The following TBC1D23 variants were observed in gnomAD, a reference collection of about 807,000 sequenced individuals.
TBC1D23 encodes TBC1 domain family member 23.
Under a neutral mutation model 91.4 loss-of-function variants are expected in TBC1D23, and 55 were observed. The ratio of observed to expected loss-of-function variants is 0.60; its 90% CI spans 0.48 to 0.75. The LOEUF (loss-of-function observed/expected upper bound fraction) is 0.75. TBC1D23 is among the 30% of genes least tolerant of loss of function. The pLI is 0.00. For missense variants in TBC1D23, 725 were observed against 836.1 expected (o/e 0.87, Z 1.64); for synonymous variants, 289 against 281.0 (o/e 1.03, Z -0.28).
At chr3:100,295,387 C>A in intron 7 of TBC1D23, 39 bp downstream of exon 7, 1 of 1,528,460 alleles carries the variant, frequency 6.5e-7, no homozygotes, top group South Asian at 1.2e-5. Context: ...TTTCAGGTCT[C>A]TTTATCTGTG....
At position 100,290,666 on chromosome 3, in the gene TBC1D23, A is replaced by C. The variant is rs754925457; in HGVS notation, c.565A>C (p.Lys189Gln). 3.1e-6 allele frequency: 5 copies of C among 1,613,244 alleles called. No homozygotes were observed. The highest frequency in any genetic ancestry group is 1.3e-5 in the African/African-American group (1 of 74,902). The change falls in exon 5 of 19, where the codon AAG becomes CAG. Residue 189 changes from lysine (K) to glutamine (Q), a missense_variant. Coordinates refer to ENST00000394144, the MANE Select transcript of TBC1D23 (RefSeq NM_001199198.3). ...TGAGCTTTGTTCTTATCTTGATACAAAGAAAATTACTCCAGACTCCTATGC... is the reference window on the plus strand; with the variant it reads ...TGAGCTTTGTTCTTATCTTGATACACAGAAAATTACTCCAGACTCCTATGC... ...EPELCSYLDT[K>Q]KITPDSYALN...
intron 12 of TBC1D23, among the ~76,000 whole-genome samples, chr3:100,305,365 A>G (rs945639985): frequency 1.3e-5 from 2 of 152,164 alleles, no homozygotes; most frequent in Non-Finnish European, 2.9e-5. Flanking sequence ...ATATTTAATA[A>G]TCTAGGAGAG....
chr3:100,279,672 TG>T lies in TBC1D23; in HGVS notation c.79del (p.Glu27LysfsTer10). 1 of 1,605,786 alleles carries T rather than the reference TG, an allele frequency of 6.2e-7. No homozygotes were observed. The highest frequency in any genetic ancestry group is 1.1e-5 in the South Asian group (1 of 89,874). On this transcript the variant is annotated frameshift_variant, in exon 2 of 19. Coordinates refer to ENST00000394144, the MANE Select transcript of TBC1D23 (RefSeq NM_001199198.3). LOFTEE classifies it high-confidence loss of function. ...DGWEKDLEEA[L>X]EAGGCDLETL... ...AGGGAAAAAGATCTTGAAGAAGCTC[TG>T]GAAGCAGGAGGTTGTGATCTTGAAA...
chr3:100,261,456 A>G, intron 1 of TBC1D23: 1 of 212,286 alleles, frequency 4.7e-6, no homozygotes, highest in Non-Finnish European at 9.5e-6. Flanking sequence ...CTAAAATACA[A>G]TGTGAAGAAA....
At chr3:100,270,165 T>A (rs2067589173) in intron 1 of TBC1D23, among the ~76,000 whole-genome samples, 1 of 152,236 alleles carries the variant, frequency 6.6e-6, no homozygotes, top group African/African-American at 2.4e-5. Context: ...GACTTTTTTT[T>A]TCTGTACTGC....
intron 4 of TBC1D23, 162 bp downstream of exon 4, chr3:100,283,973 AT>A (rs1280131337): frequency 2.4e-5 from 13 of 541,546 alleles, no homozygotes; most frequent in Non-Finnish European, 4.2e-5. Flanking sequence ...GGTTATAAAC[AT>A]TTTTTAAAAG....
chr3:100,298,165 C>A, intron 9 of TBC1D23, 120 bp downstream of exon 9: 1 of 782,312 alleles, frequency 1.3e-6, no homozygotes, highest in Non-Finnish European at 2.0e-6. Context: ...GCTCTTTTGG[C>A]TTTTTGAATG....
At chr3:100,279,802 A>G (rs753668873) in intron 2 of TBC1D23, 42 bp downstream of exon 2, 4 of 1,262,354 alleles carry the variant, frequency 3.2e-6, no homozygotes, top group Middle Eastern at 1.9e-4. Flanking sequence ...TCACTGAAGA[A>G]TAATATTTTT....
In TBC1D23 at chr3:100,293,273, G is replaced by A. The variant is rs978721787; in HGVS notation, c.601-1814G>A. Among the ~76,000 whole-genome samples the A allele has an allele frequency of 8.5e-5, 13 of 152,152 alleles. No individual in the cohort carries two copies. The South Asian group carries it at 2.7e-3, about 32-fold the overall frequency. ...CTCAGCCTCCCGAGTAGTTGGCACT[G>A]CAGGCGCCCGCCACCACACCCGGCT... On this transcript the variant is annotated intron_variant, in intron 5 of 18. Coordinates refer to ENST00000394144, the MANE Select transcript of TBC1D23 (RefSeq NM_001199198.3).
chr3:100,317,556 T>C (rs1705771888), intron 16 of TBC1D23, among the ~76,000 whole-genome samples: 1 of 152,184 alleles, frequency 6.6e-6, no homozygotes, highest in Non-Finnish European at 1.5e-5. Flanking sequence ...TAAGTAAGAT[T>C]GCTAGGTTAT....
chr3:100,284,232 G>C (rs1439932519), intron 4 of TBC1D23, among the ~76,000 whole-genome samples: 1 of 151,624 alleles, frequency 6.6e-6, no homozygotes, highest in Non-Finnish European at 1.5e-5. Flanking sequence ...TGAGATGATA[G>C]GTGCATTATT....
At position 100,295,107 on chromosome 3, in the gene TBC1D23, T is replaced by C. The variant is rs2067826937; in HGVS notation, c.621T>C (p.Cys207=). 1 of 1,597,668 alleles carries C rather than the reference T, an allele frequency of 6.3e-7. No individual in the cohort carries two copies. Among genetic ancestry groups the C allele is most frequent in the African/African-American group, 1.4e-5 (1 of 73,820 alleles). ...ALNWLGSLFA[C]YCSTEVTQAI... ...TACAGCTTGGAAGTCTTTTTGCATG[T>C]TACTGTTCCACTGAAGTCACTCAGG... The change falls in exon 6 of 19, where the codon TGT becomes TGC. Residue 207 remains cysteine, a synonymous_variant. Transcript: ENST00000394144.
chr3:100,279,938 C>T (rs1222577495), intron 2 of TBC1D23, among the ~76,000 whole-genome samples, 178 bp downstream of exon 2: 1 of 152,096 alleles, frequency 6.6e-6, no homozygotes, highest in African/African-American at 2.4e-5. Flanking sequence ...GTATATTTAA[C>T]AATAATGGCT....
intron 1 of TBC1D23, among the ~76,000 whole-genome samples, chr3:100,270,362 G>T (rs1384630329): frequency 6.6e-6 from 1 of 152,302 alleles, no homozygotes; most frequent in South Asian, 2.1e-4. Flanking sequence ...ATGTAAAGGG[G>T]ACGAGAGCTG....
chr3:100,275,350 G>T (rs1171640833), intron 1 of TBC1D23, among the ~76,000 whole-genome samples: 4 of 152,032 alleles, frequency 2.6e-5, no homozygotes, highest in Non-Finnish European at 5.9e-5. Flanking sequence ...GCAGTGGTAT[G>T]ATCTTGGCCT....
At chr3:100,284,544 A>G (rs1466628413) in intron 4 of TBC1D23, among the ~76,000 whole-genome samples, 1 of 152,164 alleles carries the variant, frequency 6.6e-6, no homozygotes, top group Non-Finnish European at 1.5e-5. Context: ...AAGGTGAAAT[A>G]TAGAGTGCTA....
rs199819556 is a variant in TBC1D23, at chr3:100,297,469, AT to A, written c.877-446del. 6.8e-3 allele frequency among the ~76,000 whole-genome samples: 1,032 copies of A among 152,092 alleles called. 16 individuals are homozygous for A. Among genetic ancestry groups the A allele is most frequent in the African/African-American group, 0.024 (992 of 41,492 alleles). On this transcript the variant is annotated intron_variant, in intron 8 of 18. Coordinates refer to ENST00000394144, the MANE Select transcript of TBC1D23 (RefSeq NM_001199198.3). ...AAATACTGAATGAAAAAGAAGTCTT[AT>A]TTTTTTTCTTATTCAAGAGCTGCAC...
At chr3:100,277,966 A>G (rs1044216225) in intron 1 of TBC1D23, among the ~76,000 whole-genome samples, 3 of 152,326 alleles carry the variant, frequency 2.0e-5, no homozygotes, top group African/African-American at 7.2e-5. Flanking sequence ...TTCTGTTCAT[A>G]TGAATTTGTA....
At chr3:100,280,275 CAA>C (rs1315206256) in intron 2 of TBC1D23, among the ~76,000 whole-genome samples, 4 of 151,120 alleles carry the variant, frequency 2.6e-5, no homozygotes, top group Non-Finnish European at 5.9e-5. Context: ...TTTCTTGAAA[CAA>C]GATACAATCA....
Sources: gnomAD v4.1 joint callset for allele counts (sites outside exome capture counted in the v4.1 genomes callset) on GRCh38, gnomAD v4.1.1 for gene constraint, MANE v1.5 for transcripts, NCBI Gene and HGNC (gene_info 2026-07-23, HGNC 2026-07-21) for gene names.